METAP1D: variants seen among roughly 807,000 people sequenced by gnomAD.
METAP1D encodes the protein methionine aminopeptidase 1D, mitochondrial.
In METAP1D, 31 loss-of-function variants were observed where a neutral mutation model predicts 40.5. The observed-to-expected ratio is 0.77, with a 90% CI of 0.58 to 1.03. The LOEUF is 1.03. Ranked by LOEUF, METAP1D falls within the 50% of genes least tolerant of loss-of-function variation. The pLI is 0.00. For synonymous variants in METAP1D, 151 were observed against 146.4 expected (o/e 1.03, Z -0.22); for missense variants, 411 against 420.7 (o/e 0.98, Z 0.20).
At chr2:172,056,818 A>T (rs116118895) in intron 1 of METAP1D, among the ~76,000 whole-genome samples, 2,786 of 152,334 alleles carry the variant, frequency 0.018, 57 homozygotes, top group Admixed American at 0.068. Flanking sequence ...GAGTCTCAGA[A>T]GTTTTGGTAA....
chr2:172,058,211 C>T (rs1450496396), intron 1 of METAP1D, among the ~76,000 whole-genome samples: 1 of 152,174 alleles, frequency 6.6e-6, no homozygotes, highest in Non-Finnish European at 1.5e-5. Flanking sequence ...GATCCTCCCA[C>T]CTCGACCTCC....
At chr2:172,032,801 G>A (rs1239636598) in intron 1 of METAP1D, among the ~76,000 whole-genome samples, 2 of 152,276 alleles carry the variant, frequency 1.3e-5, no homozygotes, top group African/African-American at 4.8e-5. Flanking sequence ...GGTGGCTCAC[G>A]CCTGTAATCC....
chr2:172,013,710 A>G (rs951877910), intron 1 of METAP1D, among the ~76,000 whole-genome samples: 1 of 152,196 alleles, frequency 6.6e-6, no homozygotes. Context: ...GCAAAATGAC[A>G]GCTTTGCTTG....
intron 1 of METAP1D, among the ~76,000 whole-genome samples, chr2:172,041,493 T>C (rs1689522637): frequency 8.1e-6 from 1 of 124,180 alleles, no homozygotes; most frequent in South Asian, 2.6e-4. Flanking sequence ...TAAATGCTCA[T>C]CATTGGTTAA....
chr2:172,080,643 C>G lies in METAP1D; in HGVS notation c.*237C>G. ...AATCCTGGCCCTGGACTCGGTTTCC[C>G]AGCGCGGTCAACGCATCTGGAGGGG... On this transcript the variant is annotated 3_prime_UTR_variant, in exon 10 of 10. Transcript: ENST00000315796. 3 of 600,104 alleles carry G rather than the reference C, an allele frequency of 5.0e-6. No homozygotes were observed. The South Asian group carries it at 6.0e-5, about 12-fold the overall frequency. 37.2% of individuals were successfully genotyped at this position (600,104 alleles called of 1,614,324 possible). A position where few individuals can be genotyped will look rare whatever the true frequency, so the allele number is the denominator to read the frequency against.
intron 1 of METAP1D, among the ~76,000 whole-genome samples, chr2:172,039,032 C>T (rs1056292408): frequency 3.5e-4 from 54 of 152,330 alleles, no homozygotes; most frequent in African/African-American, 1.2e-3. Flanking sequence ...ACCTCCTTTA[C>T]AGGATTTATA....
intron 1 of METAP1D, among the ~76,000 whole-genome samples, chr2:172,027,934 A>G (rs16859960): frequency 0.012 from 1,861 of 152,262 alleles, 46 homozygotes; most frequent in African/African-American, 0.042. Flanking sequence ...GAAGAGACCT[A>G]AAGAAAGGGA....
intron 1 of METAP1D, among the ~76,000 whole-genome samples, chr2:172,034,448 C>T (rs558941913): frequency 6.6e-6 from 1 of 151,620 alleles, no homozygotes; most frequent in South Asian, 2.1e-4. Flanking sequence ...CTGGTTAGGG[C>T]GTTGCCTATA....
intron 1 of METAP1D, among the ~76,000 whole-genome samples, chr2:172,005,520 T>TATATATA (rs1688556250): frequency 1.8e-5 from 2 of 110,940 alleles, no homozygotes; most frequent in Non-Finnish European, 3.6e-5. Flanking sequence ...TGTCTGTATT[T>TATATATA]TATATATATA....
chr2:172,050,020 G>A (rs997465546), intron 1 of METAP1D, among the ~76,000 whole-genome samples: 2 of 151,982 alleles, frequency 1.3e-5, no homozygotes, highest in Admixed American at 6.6e-5. Context: ...TAAGATGTAG[G>A]GTTTTTTGTT....
At chr2:172,044,600 A>G (rs566719385) in intron 1 of METAP1D, among the ~76,000 whole-genome samples, 3 of 132,362 alleles carry the variant, frequency 2.3e-5, no homozygotes, top group African/African-American at 7.6e-5. Context: ...TCTAAAAAAT[A>G]AAAATAAAAT....
chr2:172,036,319 G>GA (rs34486471), intron 1 of METAP1D, among the ~76,000 whole-genome samples: 64,920 of 132,274 alleles, frequency 0.49, 16,418 homozygotes, highest in East Asian at 0.83. Flanking sequence ...TCTGTCTCAA[G>GA]AAAAAAAAAA....
intron 1 of METAP1D, among the ~76,000 whole-genome samples, chr2:172,001,181 G>A (rs999845005): frequency 8.6e-5 from 13 of 151,814 alleles, no homozygotes; most frequent in Non-Finnish European, 1.3e-4. Flanking sequence ...ACTGCATGAC[G>A]TGGTCACTCC....
chr2:172,028,560 GT>G (rs1689172219), intron 1 of METAP1D, among the ~76,000 whole-genome samples: 3 of 125,750 alleles, frequency 2.4e-5, no homozygotes, highest in African/African-American at 6.0e-5. Context: ...GTGTGTGTGT[GT>G]GTGTGTGTGT....
intron 1 of METAP1D, among the ~76,000 whole-genome samples, chr2:172,020,354 A>G (rs1198294459): frequency 2.0e-5 from 3 of 152,174 alleles, no homozygotes; most frequent in Non-Finnish European, 2.9e-5. Context: ...CCTCCCTGCA[A>G]TTTAACTGGT....
intron 1 of METAP1D, among the ~76,000 whole-genome samples, chr2:172,023,094 A>G (rs547708252): frequency 1.3e-5 from 2 of 152,320 alleles, no homozygotes; most frequent in East Asian, 1.9e-4. Context: ...AGGCTGAGGC[A>G]GGAGAATCGC....
intron 1 of METAP1D, among the ~76,000 whole-genome samples, chr2:172,004,023 G>T (rs1194341778): frequency 6.6e-6 from 1 of 152,112 alleles, no homozygotes; most frequent in Non-Finnish European, 1.5e-5. Flanking sequence ...GCCTGCCTCA[G>T]CCTCCCACAG....
intron 1 of METAP1D, among the ~76,000 whole-genome samples, chr2:172,024,148 T>C (rs1689067303): frequency 6.6e-6 from 1 of 152,262 alleles, no homozygotes; most frequent in Middle Eastern, 3.4e-3. Context: ...CATGAGCCAC[T>C]GTGCCTGGCC....
chr2:172,014,555 G>C (rs993437029), intron 1 of METAP1D, among the ~76,000 whole-genome samples: 41 of 152,196 alleles, frequency 2.7e-4, no homozygotes, highest in Admixed American at 2.6e-4. Context: ...TTAAAATGTG[G>C]CCTGTTCTGA....
Sources: gnomAD v4.1 joint callset for allele counts (sites outside exome capture counted in the v4.1 genomes callset) on GRCh38, gnomAD v4.1.1 for gene constraint, MANE v1.5 for transcripts, NCBI Gene and HGNC (gene_info 2026-07-23, HGNC 2026-07-21) for gene names.